Variants in GRIP1 observed in about 807,000 individuals in gnomAD.
GRIP1 encodes the protein glutamate receptor interacting protein 1.
GRIP1 carries 45 observed loss-of-function variants against 129.9 expected under a neutral mutation model. That is an observed-to-expected ratio of 0.35 (90% confidence interval 0.27 to 0.44). The LOEUF (loss-of-function observed/expected upper bound fraction) is 0.44, where lower values mean the gene tolerates loss of function less well. Ranked by LOEUF, GRIP1 falls within the 20% of genes least tolerant of loss-of-function variation. The pLI is 1.00. For missense variants in GRIP1, 1,196 were observed against 1,396.8 expected (o/e 0.86, Z 2.29); for synonymous variants, 530 against 520.8 (o/e 1.02, Z -0.24).
intron 1 of GRIP1, among the ~76,000 whole-genome samples, chr12:66,636,163 C>A (rs995249157): frequency 5.3e-5 from 8 of 152,068 alleles, no homozygotes; most frequent in Non-Finnish European, 1.5e-5. Flanking sequence ...CAAAAAGGGG[C>A]AAATACTGTA....
intron 22 of GRIP1, among the ~76,000 whole-genome samples, chr12:66,373,081 T>C (rs1002409544): frequency 6.6e-6 from 1 of 152,080 alleles, no homozygotes; most frequent in African/African-American, 2.4e-5. Flanking sequence ...TCTCAATTTA[T>C]TTATTTATTT....
intron 2 of GRIP1, among the ~76,000 whole-genome samples, chr12:66,545,327 AAAGT>A (rs1238524091): frequency 6.6e-6 from 1 of 152,224 alleles, no homozygotes; most frequent in African/African-American, 2.4e-5. Flanking sequence ...ATTTTTAAGA[AAAGT>A]AACAGTGATG....
intron 15 of GRIP1, among the ~76,000 whole-genome samples, chr12:66,417,681 C>G (rs2057657178): frequency 6.6e-6 from 1 of 152,054 alleles, no homozygotes; most frequent in East Asian, 1.9e-4. Context: ...AAGAAGTAAT[C>G]CCTTTTACAA....
intron 1 of GRIP1, among the ~76,000 whole-genome samples, chr12:66,887,071 G>A (rs1453511843): frequency 6.6e-6 from 1 of 152,182 alleles, no homozygotes; most frequent in Non-Finnish European, 1.5e-5. Context: ...AGAAAGTAAA[G>A]CAATTAAAAC....
At chr12:66,826,384 T>C (rs1454754147) in intron 1 of GRIP1, among the ~76,000 whole-genome samples, 1 of 152,034 alleles carries the variant, frequency 6.6e-6, no homozygotes, top group Non-Finnish European at 1.5e-5. Context: ...CAAACCACCA[T>C]GGCACGTGTA....
intron 13 of GRIP1, among the ~76,000 whole-genome samples, chr12:66,444,354 C>T (rs893851642): frequency 2.7e-4 from 41 of 151,256 alleles, no homozygotes; most frequent in Non-Finnish European, 4.4e-5. Flanking sequence ...GGCGCGGTGG[C>T]GGGCGCCTGT....
intron 5 of GRIP1, among the ~76,000 whole-genome samples, chr12:66,524,997 G>T (rs1322321246): frequency 6.6e-6 from 1 of 152,264 alleles, no homozygotes; most frequent in African/African-American, 2.4e-5. Flanking sequence ...TTGAATCTCT[G>T]AATAGACCAA....
At chr12:66,986,287 A>T (rs1246339899) in intron 1 of GRIP1, among the ~76,000 whole-genome samples, 6 of 152,114 alleles carry the variant, frequency 3.9e-5, no homozygotes, top group Admixed American at 1.3e-4. Flanking sequence ...TCAGGGATCT[A>T]GAACTAGAAA....
At chr12:67,057,790 A>G (rs1207385991) in intron 1 of GRIP1, among the ~76,000 whole-genome samples, 1 of 152,226 alleles carries the variant, frequency 6.6e-6, no homozygotes, top group Non-Finnish European at 1.5e-5. Flanking sequence ...TTTCATTTTC[A>G]TAACTAAAAT....
intron 1 of GRIP1, among the ~76,000 whole-genome samples, chr12:66,634,667 T>C (rs1742079985): frequency 6.6e-6 from 1 of 152,254 alleles, no homozygotes. Flanking sequence ...AAAATCTCTT[T>C]GACTTTCAGA....
upstream of GRIP1, among the ~76,000 whole-genome samples, chr12:66,680,910 C>T (rs2034560064): frequency 6.6e-6 from 1 of 152,126 alleles, no homozygotes; most frequent in South Asian, 2.1e-4. Context: ...ATCCAATTTG[C>T]TTTTTCCTTA....
chr12:66,579,018 G>A (rs993564798), intron 2 of GRIP1, among the ~76,000 whole-genome samples: 32 of 152,158 alleles, frequency 2.1e-4, no homozygotes, highest in Non-Finnish European at 3.4e-4. Context: ...CCCAGTAGGG[G>A]CAGACTGACA....
rs192392042 is a variant in GRIP1, at chr12:66,831,484, G to T, written c.59-234557C>A. Among the ~76,000 whole-genome samples, 162 of 152,220 alleles carry T rather than the reference G, an allele frequency of 1.1e-3. 3 individuals are homozygous for T. Among genetic ancestry groups the T allele is most frequent in the Admixed American group, 9.2e-3 (141 of 15,284 alleles). ...GCTCTTCTCCAAATGTCATATGTTG[G>T]CCCAATCAAGTTCCCTGGACATATT... is the stretch of plus-strand genomic sequence containing the variant. On this transcript the variant is annotated intron_variant, in intron 1 of 1. Coordinates refer to the GRIP1 transcript ENST00000643019.
At chr12:66,550,725 GCACCCACATCTATCAGTCACGTATTCCTA>G (rs2062097797) in intron 2 of GRIP1, among the ~76,000 whole-genome samples, 1 of 152,166 alleles carries the variant, frequency 6.6e-6, no homozygotes, top group South Asian at 2.1e-4. Flanking sequence ...ATAGCAAACA[GCACCCACATCTATCAGTCACGTATTCCTA>G]CACAATCATC....
intron 1 of GRIP1, among the ~76,000 whole-genome samples, chr12:66,749,704 C>G (rs1037030355): frequency 1.3e-5 from 2 of 152,110 alleles, no homozygotes; most frequent in Non-Finnish European, 2.9e-5. Context: ...ACATATGCAT[C>G]TTCCGGATGA....
intron 1 of GRIP1, among the ~76,000 whole-genome samples, chr12:66,761,993 A>C (rs1028135384): frequency 9.9e-5 from 15 of 152,182 alleles, no homozygotes; most frequent in Admixed American, 1.3e-4. Flanking sequence ...CCTCACCTGT[A>C]AAATGAGGAT....
intron 8 of GRIP1, among the ~76,000 whole-genome samples, chr12:66,463,643 T>C (rs553181302): frequency 3.1e-4 from 47 of 152,252 alleles, no homozygotes; most frequent in South Asian, 2.5e-3. Flanking sequence ...GAGTTGAACA[T>C]GTATTAGTAT....
At chr12:66,410,233 G>C (rs868378746) in intron 15 of GRIP1, among the ~76,000 whole-genome samples, 1 of 97,910 alleles carries the variant, frequency 1.0e-5, no homozygotes, top group African/African-American at 3.7e-5. Context: ...CTGGGCGACA[G>C]AGCGAGACTC....
chr12:66,630,128 A>T (rs2140033479), intron 1 of GRIP1: 1 of 152,406 alleles, frequency 6.6e-6, no homozygotes, highest in South Asian at 2.1e-4. Flanking sequence ...AGACAGGCAG[A>T]TCACTGGAGG....
Sources: gnomAD v4.1 joint callset for allele counts (sites outside exome capture counted in the v4.1 genomes callset) on GRCh38, gnomAD v4.1.1 for gene constraint, MANE v1.5 for transcripts, NCBI Gene and HGNC (gene_info 2026-07-23, HGNC 2026-07-21) for gene names.